SPOCK3: variants seen among roughly 807,000 people sequenced by gnomAD.
SPOCK3 encodes the protein testican-3.
A neutral mutation model predicts 56.6 loss-of-function variants in SPOCK3; 30 were observed. The observed-to-expected ratio is 0.53, with a 90% CI of 0.40 to 0.72. The LOEUF is 0.72. Among genes scored for constraint, SPOCK3 ranks in the 30% least tolerant of loss-of-function variants. SPOCK3 has a pLI of 0.00. For missense variants in SPOCK3, 527 were observed against 530.0 expected (o/e 0.99, Z 0.06); for synonymous variants, 196 against 183.3 (o/e 1.07, Z -0.56).
chr4:167,052,624 A>G (rs1754342880), intron 3 of SPOCK3, among the ~76,000 whole-genome samples: 1 of 152,160 alleles, frequency 6.6e-6, no homozygotes, highest in Admixed American at 6.5e-5. Context: ...GGGAACACCA[A>G]TTTTTCCACT....
intron 3 of SPOCK3, among the ~76,000 whole-genome samples, chr4:167,011,859 A>G (rs6553490): frequency 0.34 from 51,272 of 151,890 alleles, 10,615 homozygotes; most frequent in African/African-American, 0.59. Flanking sequence ...AATGTGAGGT[A>G]TGCTTTTTAC....
chr4:166,948,958 T>TC (rs1213685453), intron 4 of SPOCK3, among the ~76,000 whole-genome samples: 5 of 152,156 alleles, frequency 3.3e-5, no homozygotes, highest in Non-Finnish European at 7.3e-5. Flanking sequence ...GGTTCCATTC[T>TC]CCCCATCACT....
chr4:166,982,117 G>A (rs1194921131), intron 4 of SPOCK3, among the ~76,000 whole-genome samples: 2 of 152,138 alleles, frequency 1.3e-5, no homozygotes, highest in Non-Finnish European at 2.9e-5. Context: ...TGAACCAGCA[G>A]GGGGCCAGGC....
chr4:167,057,827 C>A (rs1241765947), intron 3 of SPOCK3, among the ~76,000 whole-genome samples: 2 of 152,116 alleles, frequency 1.3e-5, no homozygotes, highest in Non-Finnish European at 2.9e-5. Context: ...GACTCCCACA[C>A]AATAATAATG....
chr4:167,041,007 T>C (rs996795755), intron 3 of SPOCK3, among the ~76,000 whole-genome samples: 2 of 152,194 alleles, frequency 1.3e-5, no homozygotes, highest in Admixed American at 6.5e-5. Context: ...TGAGTGGTCA[T>C]GGATAGAGCC....
At chr4:166,901,188 G>A (rs1371331539) in intron 5 of SPOCK3, among the ~76,000 whole-genome samples, 1 of 152,090 alleles carries the variant, frequency 6.6e-6, no homozygotes, top group African/African-American at 2.4e-5. Context: ...TCTGTGGGGT[G>A]AATGAATGCT....
At chr4:166,852,494 G>A (rs1730231521) in intron 6 of SPOCK3, among the ~76,000 whole-genome samples, 1 of 151,992 alleles carries the variant, frequency 6.6e-6, no homozygotes. Context: ...CCTTTGGAAA[G>A]ACCTGTACCA....
chr4:166,755,067 G>C (rs1736894205), intron 7 of SPOCK3, among the ~76,000 whole-genome samples: 1 of 151,866 alleles, frequency 6.6e-6, no homozygotes, highest in Admixed American at 6.6e-5. Context: ...TGTCTCATTA[G>C]ATATATGTAA....
Position 167,161,429 on chromosome 4 carries a change from G to T in SPOCK3, c.189+72556C>A, listed in dbSNP as rs529350498. ...GGATGTGGAGAAATAAGAACACTTCGACACTGTTGGTGGGACTGTAAACTA... is the reference window on the plus strand; with the variant it reads ...GGATGTGGAGAAATAAGAACACTTCTACACTGTTGGTGGGACTGTAAACTA... On this transcript the variant is annotated intron_variant, in intron 2 of 10. Coordinates refer to ENST00000357545, the MANE Select transcript of SPOCK3 (RefSeq NM_001040159.2). Among the ~76,000 whole-genome samples the T allele has an allele frequency of 8.7e-3, 1,331 of 152,136 alleles. 15 individuals are homozygous for T. Among genetic ancestry groups the T allele is most frequent in the African/African-American group, 0.029 (1,212 of 41,506 alleles).
chr4:166,922,672 C>T (rs1227916799), intron 4 of SPOCK3, among the ~76,000 whole-genome samples: 1 of 152,134 alleles, frequency 6.6e-6, no homozygotes, highest in Non-Finnish European at 1.5e-5. Context: ...ATTATGGACC[C>T]ACTTAGAGCA....
chr4:167,133,609 G>A (rs1163940901), intron 2 of SPOCK3, among the ~76,000 whole-genome samples: 1 of 152,168 alleles, frequency 6.6e-6, no homozygotes, highest in Non-Finnish European at 1.5e-5. Context: ...GAAAAGTGAA[G>A]TAAAATCTAT....
intron 4 of SPOCK3, among the ~76,000 whole-genome samples, chr4:166,954,544 C>A (rs1041787592): frequency 6.6e-6 from 1 of 152,102 alleles, no homozygotes; most frequent in Admixed American, 6.6e-5. Flanking sequence ...TTCCCAACAC[C>A]ATTTAATGAA....
chr4:167,111,373 C>T (rs896162875), intron 2 of SPOCK3, among the ~76,000 whole-genome samples: 1 of 151,472 alleles, frequency 6.6e-6, no homozygotes, highest in Non-Finnish European at 1.5e-5. Context: ...CTTTTTTTTT[C>T]ATGAGACCTA....
intron 4 of SPOCK3, among the ~76,000 whole-genome samples, chr4:166,933,786 G>C (rs1196157520): frequency 1.3e-5 from 2 of 152,072 alleles, no homozygotes; most frequent in East Asian, 3.9e-4. Flanking sequence ...ACAGAGGGAG[G>C]CTTACTACCA....
intron 4 of SPOCK3, among the ~76,000 whole-genome samples, chr4:166,992,728 C>T (rs1416990803): frequency 1.2e-5 from 1 of 82,552 alleles, no homozygotes; most frequent in Non-Finnish European, 3.1e-5. Context: ...CATTAATATC[C>T]AATTTTTTCT....
rs896566507 is a variant in SPOCK3 at position 166,874,282 on chromosome 4, G to A, written c.589+14848C>T. ...GAGCTTGTGACCAAGGAGAATGAACGCAAGCAAGAAGTTCTTGTGAACAAC... is the reference window on the plus strand; with the variant it reads ...GAGCTTGTGACCAAGGAGAATGAACACAAGCAAGAAGTTCTTGTGAACAAC... On this transcript the variant is annotated intron_variant, in intron 6 of 10. Transcript: ENST00000357545. Among the ~76,000 whole-genome samples the A allele has an allele frequency of 9.2e-5, 14 of 152,120 alleles. No individual in the cohort carries two copies. In the East Asian group the frequency reaches 2.3e-3, roughly 25 times the overall value.
chr4:166,830,450 T>C (rs1295633812), intron 6 of SPOCK3, among the ~76,000 whole-genome samples: 1 of 152,144 alleles, frequency 6.6e-6, no homozygotes, highest in Non-Finnish European at 1.5e-5. Flanking sequence ...TGTATCATAT[T>C]AAGATTCGAC....
intron 2 of SPOCK3, among the ~76,000 whole-genome samples, chr4:167,078,657 T>C (rs1167640991): frequency 6.6e-6 from 1 of 151,668 alleles, no homozygotes; most frequent in Non-Finnish European, 1.5e-5. Context: ...TAACCCATAA[T>C]CACCCTATGA....
intron 6 of SPOCK3, among the ~76,000 whole-genome samples, chr4:166,877,837 C>A (rs1243153198): frequency 6.6e-6 from 1 of 151,800 alleles, no homozygotes; most frequent in African/African-American, 2.4e-5. Context: ...AATAATTTTG[C>A]CAATAAGTAG....
Sources: gnomAD v4.1 joint callset for allele counts (sites outside exome capture counted in the v4.1 genomes callset) on GRCh38, gnomAD v4.1.1 for gene constraint, MANE v1.5 for transcripts, NCBI Gene and HGNC (gene_info 2026-07-23, HGNC 2026-07-21) for gene names.